SPECC1: variants seen among roughly 807,000 people sequenced by gnomAD.
SPECC1 encodes the protein cytospin-B.
A neutral mutation model predicts 104.1 loss-of-function variants in SPECC1; 62 were observed. The ratio of observed to expected loss-of-function variants is 0.60; its 90% CI spans 0.49 to 0.74. The LOEUF (loss-of-function observed/expected upper bound fraction) is 0.74. SPECC1 is among the 30% of genes least tolerant of loss of function. SPECC1 has a pLI of 0.00. For missense variants in SPECC1, 1,306 were observed against 1,310.5 expected (o/e 1.00, Z 0.05); for synonymous variants, 513 against 501.6 (o/e 1.02, Z -0.30).
intron 12 of SPECC1, among the ~76,000 whole-genome samples, chr17:20,280,363 G>C (rs1013479045): frequency 6.6e-6 from 1 of 152,214 alleles, no homozygotes; most frequent in Admixed American, 6.5e-5. Flanking sequence ...GAGGCTCCAT[G>C]ACTGCTCAGA....
intron 3 of SPECC1, among the ~76,000 whole-genome samples, chr17:20,158,858 A>G (rs1490173306): frequency 6.6e-6 from 1 of 152,116 alleles, no homozygotes; most frequent in Non-Finnish European, 1.5e-5. Context: ...TTCCAAGCTC[A>G]GGCAATCCTT....
chr17:20,298,978 G>GTGTGTGTGTGTGTGTGTGTGTGT (rs747414391), intron 13 of SPECC1, among the ~76,000 whole-genome samples: 31 of 29,470 alleles, frequency 1.1e-3, no homozygotes, highest in Middle Eastern at 0.013. Context: ...TGTGTATGTA[G>GTGTGTGTGTGTGTGTGTGTGTGT]AGAGAGAGAG....
intron 12 of SPECC1, among the ~76,000 whole-genome samples, chr17:20,263,584 C>G (rs760684010): frequency 6.6e-6 from 1 of 151,538 alleles, no homozygotes; most frequent in Non-Finnish European, 1.5e-5. Context: ...AATAAGAAGT[C>G]AGAGGGAGGC....
chr17:20,170,526 A>AGGGG (rs995767126), intron 3 of SPECC1, among the ~76,000 whole-genome samples: 1 of 152,170 alleles, frequency 6.6e-6, no homozygotes, highest in Non-Finnish European at 1.5e-5. Context: ...TGGAACTCCC[A>AGGGG]GGGGGGTGCA....
intron 3 of SPECC1, among the ~76,000 whole-genome samples, chr17:20,202,444 C>G (rs990194300): frequency 3.9e-5 from 6 of 152,026 alleles, no homozygotes; most frequent in Non-Finnish European, 7.4e-5. Flanking sequence ...TCCCTAGAAG[C>G]CAATAAAACC....
chr17:20,232,069 C>T (rs1413561978), intron 6 of SPECC1, 131 bp from the exon 7 acceptor site: 33 of 1,092,748 alleles, frequency 3.0e-5, no homozygotes, highest in Non-Finnish European at 4.3e-5. Context: ...AGTGAGCCAC[C>T]GTGTAAGCAG....
intron 13 of SPECC1, among the ~76,000 whole-genome samples, chr17:20,299,547 C>G (rs1281306220): frequency 7.5e-6 from 1 of 133,052 alleles, no homozygotes; most frequent in East Asian, 2.1e-4. Flanking sequence ...GTGACAGAGA[C>G]CCTGTCTCAA....
chr17:20,142,730 G>A (rs1033220886), intron 3 of SPECC1, among the ~76,000 whole-genome samples: 1 of 151,704 alleles, frequency 6.6e-6, no homozygotes, highest in Admixed American at 6.6e-5. Flanking sequence ...GGTGGTGATG[G>A]TTGTACAACA....
chr17:20,106,831 G>A (rs567327220), intron 2 of SPECC1, among the ~76,000 whole-genome samples: 6 of 152,174 alleles, frequency 3.9e-5, no homozygotes, highest in Non-Finnish European at 7.3e-5. Flanking sequence ...CAGTCCAGTT[G>A]CTAAATTAGG....
At chr17:20,220,214 C>T (rs2037785125) in intron 4 of SPECC1, among the ~76,000 whole-genome samples, 1 of 152,076 alleles carries the variant, frequency 6.6e-6, no homozygotes, top group Non-Finnish European at 1.5e-5. Context: ...TAAAGAATGT[C>T]ATTGGTATTT....
chr17:20,223,606 G>A (rs1042301609), intron 4 of SPECC1, among the ~76,000 whole-genome samples: 1 of 151,816 alleles, frequency 6.6e-6, no homozygotes, highest in Non-Finnish European at 1.5e-5. Context: ...CTGGGAGGCA[G>A]AGGTTGCAGT....
chr17:20,212,152 C>T (rs186655798), intron 4 of SPECC1, among the ~76,000 whole-genome samples: 4 of 152,168 alleles, frequency 2.6e-5, no homozygotes, highest in Non-Finnish European at 2.9e-5. Flanking sequence ...ACTAACATTT[C>T]CTCCTCTCCC....
intron 13 of SPECC1, among the ~76,000 whole-genome samples, chr17:20,299,238 T>C (rs1321460436): frequency 6.6e-6 from 1 of 151,916 alleles, no homozygotes; most frequent in African/African-American, 2.4e-5. Context: ...TCATTTGCTT[T>C]GCCGAAAGTC....
Position 20,226,557 on chromosome 17 carries a change from A to G in SPECC1, c.1864-856A>G, listed in dbSNP as rs138362183. Among the ~76,000 whole-genome samples the G allele has an allele frequency of 6.3e-3, 965 of 152,338 alleles. 10 individuals are homozygous for G. The highest frequency in any genetic ancestry group is 0.022 in the African/African-American group (917 of 41,558). On this transcript the variant is annotated intron_variant, in intron 4 of 14. Coordinates refer to ENST00000395527, the MANE Select transcript of SPECC1 (RefSeq NM_001243439.2). ...CTCTCTGAGGTAGGAGGGAAGATTG[A>G]GGTTTTAAAAAATTCTTATTAAAGT... is the stretch of plus-strand genomic sequence containing the variant.
chr17:20,156,386 C>T, intron 3 of SPECC1: 2 of 957,372 alleles, frequency 2.1e-6, no homozygotes, highest in Non-Finnish European at 2.7e-6. Flanking sequence ...GAATGCGCCG[C>T]TTGGGATTGT....
At chr17:20,097,428 T>C (rs1467128494) in intron 2 of SPECC1, among the ~76,000 whole-genome samples, 2 of 152,222 alleles carry the variant, frequency 1.3e-5, no homozygotes, top group Non-Finnish European at 2.9e-5. Context: ...AAAGTCAATA[T>C]GATCTTCTAT....
chr17:20,160,922 A>G (rs890777599), intron 3 of SPECC1, among the ~76,000 whole-genome samples: 2 of 152,260 alleles, frequency 1.3e-5, no homozygotes, highest in African/African-American at 4.8e-5. Context: ...TTGTTAGTAT[A>G]AAAATGCTAG....
chr17:20,080,307 A>G (rs2046917380), intron 1 of SPECC1, among the ~76,000 whole-genome samples: 1 of 152,172 alleles, frequency 6.6e-6, no homozygotes, highest in Admixed American at 6.5e-5. Context: ...CTCTCTTGTC[A>G]GTGAACTCAG....
chr17:20,271,694 C>G (rs1194860016), intron 12 of SPECC1, among the ~76,000 whole-genome samples: 1 of 152,022 alleles, frequency 6.6e-6, no homozygotes, highest in Non-Finnish European at 1.5e-5. Flanking sequence ...GCACAGAGTC[C>G]CTGTTAGTTC....
Sources: allele counts gnomAD v4.1 joint callset (sites outside exome capture counted in the v4.1 genomes callset), GRCh38; gene constraint gnomAD v4.1.1; transcripts MANE v1.5; gene names NCBI Gene and HGNC (gene_info 2026-07-23, HGNC 2026-07-21).